ERCC6: variants seen among roughly 807,000 people sequenced by gnomAD.
The protein encoded by ERCC6 is DNA excision repair protein ERCC-6.
ERCC6 carries 116 observed loss-of-function variants against 158.7 expected under a neutral mutation model. The ratio of observed to expected loss-of-function variants is 0.73; its 90% confidence interval spans 0.63 to 0.85. ERCC6 has a LOEUF of 0.85. ERCC6 is among the 40% of genes least tolerant of loss of function. The probability of loss-of-function intolerance (pLI) is 0.00; values close to 1 mark genes in which losing one functional copy is unlikely to be tolerated. For missense variants in ERCC6, 1,698 were observed against 1,799.4 expected (o/e 0.94, Z 1.02); for synonymous variants, 678 against 659.3 (o/e 1.03, Z -0.43).
In ERCC6 at chr10:49,526,760, T is replaced by C. The variant is rs1837350304; in HGVS notation, c.652+1657A>G. On this transcript the variant is annotated intron_variant, in intron 4 of 20. Coordinates refer to ENST00000355832, the MANE Select transcript of ERCC6 (RefSeq NM_000124.4). ...GATACTTTCTGGGTGACTTTACAGT[T>C]ATGGTGTAACTTCCAATTTCAGTTC... is the stretch of plus-strand genomic sequence containing the variant. Among the ~76,000 whole-genome samples, 3 of 152,180 alleles carry C rather than the reference T, an allele frequency of 2.0e-5. No homozygotes were observed. The South Asian group carries it at 6.2e-4, about 32-fold the overall frequency.
chr10:49,438,608 T>C, the ERCC6 span, among the ~76,000 whole-genome samples: 2 of 152,092 alleles, frequency 1.3e-5, no homozygotes, highest in Non-Finnish European at 2.9e-5. Flanking sequence ...GTCCTCACAT[T>C]TGAAAACCAA....
chr10:49,482,671 C>G lies in ERCC6; in HGVS notation c.2169+16G>C, dbSNP rs375458461. ...AATATTAAAATGCCAAAAGTATTAT[C>G]ATCCTAATATTTTACCTGTACTGGG... is the stretch of plus-strand genomic sequence containing the variant. On this transcript the variant is annotated intron_variant, in intron 10 of 20. Transcript: ENST00000355832. 1 of 1,605,722 alleles carries G rather than the reference C, an allele frequency of 6.2e-7. No homozygotes were observed. The highest frequency in any genetic ancestry group is 1.7e-5 in the Admixed American group (1 of 59,734).
chr10:49,475,487 G>A, intron 12 of ERCC6: 1 of 423,296 alleles, frequency 2.4e-6, no homozygotes, highest in Non-Finnish European at 4.7e-6. Context: ...GTGAATGACT[G>A]AAGAACCTCC....
At chr10:49,497,291 TATC>T (rs1851283332) in intron 7 of ERCC6, among the ~76,000 whole-genome samples, 1 of 152,234 alleles carries the variant, frequency 6.6e-6, no homozygotes, top group Non-Finnish European at 1.5e-5. Flanking sequence ...ATAAAAGAGT[TATC>T]ATCAATATGC....
chr10:49,512,732 G>A (rs1462463023), intron 5 of ERCC6, among the ~76,000 whole-genome samples: 1 of 152,196 alleles, frequency 6.6e-6, no homozygotes, highest in Non-Finnish European at 1.5e-5. Flanking sequence ...ATTCATTTAT[G>A]TTTCATATAT....
chr10:49,472,961 G>GC lies in ERCC6; in HGVS notation c.2776dup (p.Ala926GlyfsTer8), dbSNP rs1238035020. On this transcript the variant is annotated frameshift_variant, in exon 15 of 21. Coordinates refer to ENST00000355832, the MANE Select transcript of ERCC6 (RefSeq NM_000124.4). LOFTEE classifies it high-confidence loss of function. ...TGGGTCATAGATGACAACTCTGTTT[G>GC]CCCCCGTCAGGTTGACACCTAAGCC... The GC allele has an allele frequency of 6.2e-7, 1 of 1,613,974 alleles. No homozygotes were observed. The highest frequency in any genetic ancestry group is 8.5e-7 in the Non-Finnish European group (1 of 1,180,010).
rs1850481097 is a variant in ERCC6, at chr10:49,456,172, T to C, written c.*2643A>G. 6.6e-6 allele frequency: 1 copy of C among 152,180 alleles called. No homozygotes were observed. Among genetic ancestry groups the C allele is most frequent in the Non-Finnish European group, 1.5e-5 (1 of 68,024 alleles). 9.4% of individuals were successfully genotyped at this position (152,180 alleles called of 1,614,324 possible). On this transcript the variant is annotated 3_prime_UTR_variant, in exon 21 of 21. Coordinates refer to ENST00000355832, the MANE Select transcript of ERCC6 (RefSeq NM_000124.4). The stretch of plus-strand genomic sequence containing the variant: ...TAGCTTAAGCAAGTCAGTATTTTAT[T>C]TTACTCTTAAATAACAGGTCAAAGG...
downstream of ERCC6, among the ~76,000 whole-genome samples, chr10:49,450,537 TG>T (rs1198092661): frequency 1.3e-5 from 2 of 152,252 alleles, no homozygotes; most frequent in East Asian, 3.8e-4. Context: ...TCTGCAAAGA[TG>T]TCAGCAGAGA....
chr10:49,532,742 T>C lies in ERCC6; in HGVS notation c.223A>G (p.Ile75Val), dbSNP rs115251077. 3 of 1,614,256 alleles carry C rather than the reference T, an allele frequency of 1.9e-6. No homozygotes were observed. Among genetic ancestry groups the C allele is most frequent in the African/African-American group, 2.7e-5 (2 of 75,060 alleles). The change falls in exon 2 of 21, where the codon ATC becomes GTC. Residue 75 changes from isoleucine to valine, a missense_variant. Ile to Val is a conservative substitution (Grantham distance 29, BLOSUM62 3). Transcript: ENST00000355832. ...ACTGCCTGGATCTGATGTCGGTCGA[T>C]GTGCAGCAGGGCTGGCCCTCTCCTC... Reference protein sequence around the residue: ...APRRGPALLHIDRHQIQAVEP... With the variant: ...APRRGPALLHVDRHQIQAVEP...
intron 10 of ERCC6, among the ~76,000 whole-genome samples, 176 bp downstream of exon 10, chr10:49,482,511 A>T (rs1850996675): frequency 6.6e-6 from 1 of 151,754 alleles, no homozygotes; most frequent in African/African-American, 2.4e-5. Flanking sequence ...TAAGTGAAAA[A>T]ATATGATCAA....
intron 10 of ERCC6, among the ~76,000 whole-genome samples, chr10:49,478,760 C>G (rs965969688): frequency 2.0e-5 from 3 of 152,150 alleles, no homozygotes; most frequent in African/African-American, 7.2e-5. Flanking sequence ...TATACACTTT[C>G]CTTTAATTAT....
At chr10:49,449,427 T>C (rs982212730), downstream of ERCC6, among the ~76,000 whole-genome samples, 2 of 152,180 alleles carry the variant, frequency 1.3e-5, no homozygotes, top group Admixed American at 1.3e-4. Context: ...TAAATTTCAA[T>C]GAAGTCCAAA....
intron 8 of ERCC6, among the ~76,000 whole-genome samples, chr10:49,485,352 C>A (rs1050032527): frequency 6.6e-6 from 1 of 152,192 alleles, no homozygotes; most frequent in Non-Finnish European, 1.5e-5. Context: ...CACTAGGCTA[C>A]ACTACCTCCT....
chr10:49,452,812 T>C (rs979096772), downstream of ERCC6, among the ~76,000 whole-genome samples: 3 of 151,466 alleles, frequency 2.0e-5, no homozygotes, highest in Admixed American at 6.6e-5. Flanking sequence ...TTTTTATCAT[T>C]ATAAAATGTC....
At chr10:49,520,163 A>G (rs1837114271) in intron 5 of ERCC6, among the ~76,000 whole-genome samples, 2 of 152,232 alleles carry the variant, frequency 1.3e-5, no homozygotes, top group South Asian at 2.1e-4. Context: ...ACTTATTTCC[A>G]TCCCTAGCTC....
intron 2 of ERCC6, among the ~76,000 whole-genome samples, chr10:49,531,206 C>T (rs577796698): frequency 2.0e-5 from 3 of 152,256 alleles, no homozygotes; most frequent in Admixed American, 1.3e-4. Context: ...TTTTTAAGCC[C>T]GTTACGGAAG....
intron 4 of ERCC6, among the ~76,000 whole-genome samples, chr10:49,527,774 TAGAGA>T (rs936478700): frequency 1.3e-5 from 2 of 152,232 alleles, no homozygotes; most frequent in African/African-American, 4.8e-5. Context: ...AATAGTTGCT[TAGAGA>T]ATTTAATGCT....
chr10:49,487,733 C>T (rs1411490246), intron 8 of ERCC6, among the ~76,000 whole-genome samples: 1 of 152,068 alleles, frequency 6.6e-6, no homozygotes, highest in Non-Finnish European at 1.5e-5. Flanking sequence ...CTTATGCTTG[C>T]TTAAGGATTG....
chr10:49,532,641 T>C lies in ERCC6; in HGVS notation c.324A>G (p.Gly108=). 1 of 1,614,166 alleles carries C rather than the reference T, an allele frequency of 6.2e-7. No individual in the cohort carries two copies. The highest frequency in any genetic ancestry group is 1.7e-5 in the Admixed American group (1 of 60,026). ...TGGCATTGTCCACCTGCTGAAGCAC[T>C]CCCTGTTCCAGCACGTCCTGGTCAT... The part of the protein sequence containing the change: ...DVYDQDVLEQ[G]VLQQVDNAIH... The change falls in exon 2 of 21, where the codon GGA becomes GGG. Residue 108 remains glycine (G), a synonymous_variant. Coordinates refer to ENST00000355832, the MANE Select transcript of ERCC6 (RefSeq NM_000124.4).
Sources: gnomAD v4.1 joint callset for allele counts (sites outside exome capture counted in the v4.1 genomes callset) on GRCh38, gnomAD v4.1.1 for gene constraint, MANE v1.5 for transcripts, NCBI Gene and HGNC (gene_info 2026-07-23, HGNC 2026-07-21) for gene names.